The following SNAP25 variants were observed in gnomAD, a reference collection of about 807,000 sequenced individuals.
The protein encoded by SNAP25 is synaptosomal-associated protein 25.
In SNAP25, 3 loss-of-function variants were observed where a neutral mutation model predicts 28.7. The observed-to-expected ratio is 0.10, with a 90% confidence interval of 0.05 to 0.27. The LOEUF is 0.27. Ranked by LOEUF, SNAP25 falls within the 10% of genes least tolerant of loss-of-function variation. The pLI, the probability that SNAP25 is intolerant of heterozygous loss-of-function variation, is 1.00. For synonymous variants in SNAP25, 61 were observed against 88.1 expected (o/e 0.69, Z 1.72); for missense variants, 117 against 278.7 (o/e 0.42, Z 4.13).
At chr20:10,233,842 C>T (rs1371888697) in intron 1 of SNAP25, among the ~76,000 whole-genome samples, 2 of 152,064 alleles carry the variant, frequency 1.3e-5, no homozygotes, top group East Asian at 1.9e-4. Context: ...TGTTTGCCTG[C>T]GTGTAGCTTT....
chr20:10,224,676 T>A (rs1261902738), intron 1 of SNAP25, among the ~76,000 whole-genome samples: 1 of 151,964 alleles, frequency 6.6e-6, no homozygotes, highest in Non-Finnish European at 1.5e-5. Flanking sequence ...TTTTCCCCCC[T>A]CAGAATTGCT....
At chr20:10,285,150 A>G (rs1231502631) in intron 4 of SNAP25, among the ~76,000 whole-genome samples, 2 of 152,178 alleles carry the variant, frequency 1.3e-5, no homozygotes, top group African/African-American at 4.8e-5. Context: ...CGTAGATAGA[A>G]TGAGCGTATG....
intron 4 of SNAP25, among the ~76,000 whole-genome samples, chr20:10,286,192 G>A (rs1476434893): frequency 2.6e-5 from 4 of 152,080 alleles, no homozygotes; most frequent in Non-Finnish European, 5.9e-5. Context: ...TAAAAGAATT[G>A]TTCTGCCACC....
chr20:10,294,928 C>A (rs1282048231), intron 5 of SNAP25, among the ~76,000 whole-genome samples: 1 of 152,182 alleles, frequency 6.6e-6, no homozygotes, highest in African/African-American at 2.4e-5. Flanking sequence ...CATTTTCCCC[C>A]CTTCATCAAC....
chr20:10,240,858 G>T (rs1451542485), intron 1 of SNAP25, among the ~76,000 whole-genome samples: 1 of 152,214 alleles, frequency 6.6e-6, no homozygotes, highest in African/African-American at 2.4e-5. Context: ...GGGCTCTGGA[G>T]CATTCAGTCT....
Position 10,293,127 on chromosome 20 carries a change from A to G in SNAP25, c.164-34A>G, listed in dbSNP as rs2064035168. On this transcript the variant is annotated intron_variant, in intron 4 of 7. Coordinates refer to ENST00000254976, the MANE Select transcript of SNAP25 (RefSeq NM_130811.4). This position sits in a 1 kb window ranked among gnomAD's most constrained non-coding sequence, Gnocchi z 5.6. ...TTCTTTGTCCTTTTCCATCTGCTTC[A>G]TTCTGTGGGGATAAAATACTTGTGT... is the stretch of plus-strand genomic sequence containing the variant. The G allele has an allele frequency of 1.3e-6, 2 of 1,580,644 alleles. No individual in the cohort carries two copies. The highest frequency in any genetic ancestry group is 1.4e-5 in the African/African-American group (1 of 72,846).
In SNAP25 at chr20:10,257,378, C is replaced by T. The variant is rs192920525; in HGVS notation, c.-63-18051C>T. 6.4e-4 allele frequency among the ~76,000 whole-genome samples: 97 copies of T among 152,176 alleles called. 1 individual carries two copies. In the South Asian group the frequency reaches 8.1e-3, roughly 13 times the overall value. On this transcript the variant is annotated intron_variant, in intron 1 of 7. Transcript: ENST00000254976. Reference sequence around the variant, plus strand: ...TTGAGTTCAGAAATTCGAGACAAGCCGGGCCAACATGGTGAAACCCTGTCT... The same window carrying T: ...TTGAGTTCAGAAATTCGAGACAAGCTGGGCCAACATGGTGAAACCCTGTCT...
rs116538982 is a variant in SNAP25, at chr20:10,241,722, C to T, written c.-64+22745C>T. 4.1e-3 allele frequency among the ~76,000 whole-genome samples: 619 copies of T among 152,144 alleles called. 1 individual carries two copies. Among genetic ancestry groups the T allele is most frequent in the African/African-American group, 0.015 (610 of 41,502 alleles). Reference sequence around the variant, plus strand: ...GTTCATGCCAAGCCTGAGGCAGGGGCAAGGTGGGTGCTTTCAAGACACAGC... The same window carrying T: ...GTTCATGCCAAGCCTGAGGCAGGGGTAAGGTGGGTGCTTTCAAGACACAGC... On this transcript the variant is annotated intron_variant, in intron 1 of 7. Transcript: ENST00000254976.
chr20:10,297,701 G>A (rs1453663211), intron 6 of SNAP25, among the ~76,000 whole-genome samples: 1 of 152,182 alleles, frequency 6.6e-6, no homozygotes, highest in African/African-American at 2.4e-5. Context: ...AACAGGGAGT[G>A]AAAGAGGGAA....
At position 10,220,156 on chromosome 20, in the gene SNAP25, T is replaced by C. The variant is rs1023753526; in HGVS notation, c.-64+1179T>C. On this transcript the variant is annotated intron_variant, in intron 1 of 7. Coordinates refer to ENST00000254976, the MANE Select transcript of SNAP25 (RefSeq NM_130811.4). ...GGGATGATACATCTCTCTCTATGTT[T>C]CCATTTGATAAAAATGTGAGATTAG... 5.9e-5 allele frequency among the ~76,000 whole-genome samples: 9 copies of C among 152,340 alleles called. 1 individual carries two copies. The South Asian group carries it at 1.5e-3, about 25-fold the overall frequency.
At chr20:10,271,113 C>T (rs1195364920) in intron 1 of SNAP25, among the ~76,000 whole-genome samples, 1 of 152,178 alleles carries the variant, frequency 6.6e-6, no homozygotes, top group East Asian at 1.9e-4. Context: ...CCTCTTTCTA[C>T]CTGCTCTGCA....
intron 1 of SNAP25, among the ~76,000 whole-genome samples, chr20:10,243,741 C>T (rs114798395): frequency 0.012 from 1,813 of 152,234 alleles, 36 homozygotes; most frequent in African/African-American, 0.04. Flanking sequence ...TATTACGCTC[C>T]GTTATTTGGT....
At chr20:10,280,681 G>A (rs184713005) in intron 3 of SNAP25, among the ~76,000 whole-genome samples, 1 of 152,316 alleles carries the variant, frequency 6.6e-6, no homozygotes, top group Admixed American at 6.5e-5. Flanking sequence ...CTTGGGCTAT[G>A]TAAATTAAGC....
intron 1 of SNAP25, among the ~76,000 whole-genome samples, chr20:10,261,968 G>A (rs997382525): frequency 1.3e-5 from 2 of 152,028 alleles, no homozygotes; most frequent in Admixed American, 1.3e-4. Context: ...GTGCCAAAAC[G>A]CAATGAGTTT....
intron 1 of SNAP25, among the ~76,000 whole-genome samples, chr20:10,255,584 TAA>T (rs1236618729): frequency 2.0e-5 from 3 of 152,178 alleles, no homozygotes; most frequent in Admixed American, 6.5e-5. Context: ...AGAAAGCTAA[TAA>T]AGAGTACAAC....
At chr20:10,303,054 T>A (rs1327157875) in intron 7 of SNAP25, among the ~76,000 whole-genome samples, 1 of 152,200 alleles carries the variant, frequency 6.6e-6, no homozygotes, top group Non-Finnish European at 1.5e-5. Flanking sequence ...CGCTCAGGAA[T>A]GCCATCATTT....
chr20:10,238,863 G>C (rs3787296), intron 1 of SNAP25, among the ~76,000 whole-genome samples: 25,522 of 151,556 alleles, frequency 0.17, 4,167 homozygotes, highest in African/African-American at 0.43. Context: ...CGAGATCATA[G>C]CACTGCACTC....
intron 4 of SNAP25, among the ~76,000 whole-genome samples, chr20:10,285,016 G>C (rs908827500): frequency 1.3e-5 from 2 of 151,482 alleles, no homozygotes; most frequent in Non-Finnish European, 1.5e-5. Context: ...TATATGTTGG[G>C]GTAACTGAAT....
At chr20:10,282,087 C>A (rs1336820748) in intron 3 of SNAP25, among the ~76,000 whole-genome samples, 1 of 150,796 alleles carries the variant, frequency 6.6e-6, no homozygotes, top group Non-Finnish European at 1.5e-5. Context: ...CATTTGTCTA[C>A]CCGTTATCCT....
Sources: allele counts gnomAD v4.1 joint callset (sites outside exome capture counted in the v4.1 genomes callset), GRCh38; gene constraint gnomAD v4.1.1; non-coding constraint Gnocchi (gnomAD v3.1); transcripts MANE v1.5; gene names NCBI Gene and HGNC (gene_info 2026-07-23, HGNC 2026-07-21).